Variants in KIR3DL1 observed in about 807,000 individuals in gnomAD.
KIR3DL1 encodes killer cell immunoglobulin-like receptor 3DL1.
Under a neutral mutation model 40.3 loss-of-function variants are expected in KIR3DL1, and 50 were observed. That is an observed-to-expected ratio of 1.24 (90% CI 0.99 to 1.57). KIR3DL1 has a LOEUF of 1.57. KIR3DL1 is among the 40% of genes most tolerant of loss of function. The pLI is 0.00. For synonymous variants in KIR3DL1, 257 were observed against 207.2 expected, an observed-to-expected ratio of 1.24 and a Z score of -2.07; for missense variants, 661 against 559.9, an observed-to-expected ratio of 1.18 and a Z score of -1.82.
At chr19:54,818,560 T>C in exon 3 of KIR3DL1, 1 of 1,611,202 alleles carries the variant, frequency 6.2e-7, no homozygotes. Flanking sequence ...CCCCACTGGG[T>C]GGTCGGCACC....
intron 5 of KIR3DL1, among the ~76,000 whole-genome samples, chr19:54,824,442 C>T (rs1367683068): frequency 2.0e-5 from 3 of 151,352 alleles, no homozygotes; most frequent in Admixed American, 6.6e-5. Flanking sequence ...TTTGGGAGGC[C>T]GAGGCGGGTG....
At chr19:54,821,999 G>A (rs2061665025) in intron 5 of KIR3DL1, 141 bp downstream of exon 5, 2 of 1,011,718 alleles carry the variant, frequency 2.0e-6, no homozygotes, top group Non-Finnish European at 2.9e-6. Flanking sequence ...GGCGCAGGAT[G>A]GCAGACAGGG....
At chr19:54,824,134 T>C (rs1297531667) in intron 5 of KIR3DL1, among the ~76,000 whole-genome samples, 1 of 151,724 alleles carries the variant, frequency 6.6e-6, no homozygotes. Flanking sequence ...CTTTGATTAC[T>C]TGTGTTTTGA....
intron 4 of KIR3DL1, among the ~76,000 whole-genome samples, chr19:54,820,691 T>C (rs1601341948): frequency 6.7e-6 from 1 of 148,430 alleles, no homozygotes; most frequent in East Asian, 2.0e-4. Flanking sequence ...AAGAAGGAGA[T>C]TAAGAGATTC....
At chr19:54,830,420 T>C in exon 9 of KIR3DL1, 1 of 997,432 alleles carries the variant, frequency 1.0e-6, no homozygotes, top group South Asian at 1.6e-5. Context: ...ACGCCACAAA[T>C]CTGGTGCCTC....
At chr19:54,825,790 G>A (rs1160024706) in intron 6 of KIR3DL1, among the ~76,000 whole-genome samples, 1 of 143,856 alleles carries the variant, frequency 7.0e-6, no homozygotes, top group Non-Finnish European at 1.5e-5. Flanking sequence ...CTTCTCACTT[G>A]TCCCAGCTTC....
In KIR3DL1 at chr19:54,828,028, TC is replaced by T. The variant is rs1175338119; in HGVS notation, c.1001-1331del. ...GCCAGCACTAGCTCCTGCTCCCCTT[TC>T]CTACTAATTCACAGGAGGACAGGTG... On this transcript the variant is annotated intron_variant, in intron 6 of 8. Transcript: ENST00000391728. Among the ~76,000 whole-genome samples, 6 of 150,736 alleles carry T rather than the reference TC, an allele frequency of 4.0e-5. No homozygotes were observed. The South Asian group carries it at 1.1e-3, about 27-fold the overall frequency.
intron 6 of KIR3DL1, among the ~76,000 whole-genome samples, chr19:54,826,212 A>G (rs1481447098): frequency 2.0e-5 from 3 of 150,334 alleles, no homozygotes; most frequent in Non-Finnish European, 4.4e-5. Flanking sequence ...TGGGACACTG[A>G]TATTGCAGAT....
intron 1 of KIR3DL1, 64 bp downstream of exon 1, chr19:54,816,598 G>A (rs1303323389): frequency 1.3e-6 from 2 of 1,485,218 alleles, no homozygotes; most frequent in African/African-American, 1.5e-5. Flanking sequence ...TGGAGGTAAA[G>A]ATATGGGCCT....
At position 54,826,139 on chromosome 19, in the gene KIR3DL1, G is replaced by A. The variant is rs746092039; in HGVS notation, c.1000+1061G>A. On this transcript the variant is annotated intron_variant, in intron 6 of 8. Transcript: ENST00000391728. ...TGGAGGCCAGGACAGGGACATTTTG[G>A]GGTGGGACAGCATTCTCCTGCCTTC... is the stretch of plus-strand genomic sequence containing the variant. Among the ~76,000 whole-genome samples the A allele has an allele frequency of 6.7e-4, 101 of 150,600 alleles. 1 individual carries two copies. The highest frequency in any genetic ancestry group is 1.1e-3 in the Non-Finnish European group (77 of 67,896).
intron 5 of KIR3DL1, among the ~76,000 whole-genome samples, chr19:54,824,581 C>G (rs1327602561): frequency 6.6e-6 from 1 of 151,200 alleles, no homozygotes; most frequent in Non-Finnish European, 1.5e-5. Context: ...GTGTTTGAGG[C>G]AAGAGAATTG....
At chr19:54,829,693 C>G (rs1223091677) in intron 7 of KIR3DL1, among the ~76,000 whole-genome samples, 1 of 141,508 alleles carries the variant, frequency 7.1e-6, no homozygotes, top group Non-Finnish European at 1.6e-5. Flanking sequence ...CCACTCACAT[C>G]CAGGAGAAGG....
At chr19:54,820,008 C>A in exon 4 of KIR3DL1, 1 of 1,609,672 alleles carries the variant, frequency 6.2e-7, no homozygotes, top group Non-Finnish European at 8.5e-7. Context: ...ACATCGTGGT[C>A]ACAGGTGAGA....
chr19:54,819,340 T>A (rs1158385279), intron 3 of KIR3DL1, among the ~76,000 whole-genome samples: 1 of 108,112 alleles, frequency 9.2e-6, no homozygotes, highest in Non-Finnish European at 2.2e-5. Flanking sequence ...GGCAAGAGAA[T>A]CACTTGAACT....
rs751385476 is a variant in KIR3DL1, at chr19:54,818,553, CA to C, written c.310del (p.Thr104LeufsTer11). 8 of 1,611,478 alleles carry C rather than the reference CA, an allele frequency of 5.0e-6. No individual in the cohort carries two copies. The highest frequency in any genetic ancestry group is 6.8e-6 in the Non-Finnish European group (8 of 1,179,614). ...GTCGGGGTTCACACCCACACTCCCC[CA>C]CTGGGTGGTCGGCACCCAGCAACCC... On this transcript the variant is annotated frameshift_variant, in exon 3 of 9. Coordinates refer to ENST00000391728, the Ensembl canonical transcript of KIR3DL1. LOFTEE classifies it high-confidence loss of function.
intron 3 of KIR3DL1, among the ~76,000 whole-genome samples, chr19:54,818,966 G>A (rs2061496213): frequency 2.0e-5 from 3 of 150,766 alleles, no homozygotes; most frequent in East Asian, 1.9e-4. Context: ...GATTAGAGCA[G>A]TGTAGTGGGA....
chr19:54,817,548 C>T lies in KIR3DL1; in HGVS notation c.49C>T (p.Gln17Ter). ...TTTCTTTCTAGGGTTGTTCTTGGTCCAGAGGGCCGGTCCACACATGGGTGA... is the reference window on the plus strand; with the variant it reads ...TTTCTTTCTAGGGTTGTTCTTGGTCTAGAGGGCCGGTCCACACATGGGTGA... Residue 17 changes from glutamine to a stop codon, truncating the protein, a stop_gained, in exon 2 of 9, where the codon CAG becomes TAG. Coordinates refer to ENST00000391728, the Ensembl canonical transcript of KIR3DL1. LOFTEE classifies it high-confidence loss of function. The T allele has an allele frequency of 6.6e-7, 1 of 1,513,166 alleles. No homozygotes were observed. The highest frequency in any genetic ancestry group is 9.0e-7 in the Non-Finnish European group (1 of 1,109,148). The allele number at this position is 1,513,166 out of a possible 1,614,324, so 93.7% of individuals were successfully genotyped here.
chr19:54,817,353 G>A (rs2061401769), intron 1 of KIR3DL1, among the ~76,000 whole-genome samples, 181 bp from the exon 2 acceptor site: 1 of 100,370 alleles, frequency 1.0e-5, no homozygotes, highest in African/African-American at 4.1e-5. Flanking sequence ...TAGAGATCTG[G>A]GCCTGGAGGC....
At chr19:54,830,493 T>A in exon 9 of KIR3DL1, 1 of 603,138 alleles carries the variant, frequency 1.7e-6, no homozygotes, top group Non-Finnish European at 2.8e-6. Flanking sequence ...CTCCTTTGCT[T>A]AGCCCACAGT....
Sources: gnomAD v4.1 joint callset for allele counts (sites outside exome capture counted in the v4.1 genomes callset) on GRCh38, gnomAD v4.1.1 for gene constraint, MANE v1.5 for transcripts, NCBI Gene and HGNC (gene_info 2026-07-23, HGNC 2026-07-21) for gene names.